Variants in KANSL1 observed in about 807,000 individuals in gnomAD.
KANSL1 encodes MLL1/MLL complex subunit KANSL1.
KANSL1 carries 22 observed loss-of-function variants against 103.6 expected under a neutral mutation model. The ratio of observed to expected loss-of-function variants is 0.21; its 90% CI spans 0.15 to 0.30. The LOEUF is 0.30. Ranked by LOEUF, KANSL1 falls within the 10% of genes least tolerant of loss-of-function variation. The probability of loss-of-function intolerance (pLI) is 1.00; values close to 1 mark genes in which losing one functional copy is unlikely to be tolerated. For synonymous variants in KANSL1, 600 were observed against 527.6 expected, an observed-to-expected ratio of 1.14 and a Z score of -1.88; for missense variants, 1,337 against 1,399.8, an observed-to-expected ratio of 0.96 and a Z score of 0.72.
At chr17:46,135,648 G>A (rs1478468441) in intron 2 of KANSL1, among the ~76,000 whole-genome samples, 3 of 147,178 alleles carry the variant, frequency 2.0e-5, no homozygotes, top group Non-Finnish European at 3.0e-5. Flanking sequence ...TGGCTCAAGC[G>A]AGCCTCCCAA....
At chr17:46,185,770 C>G (rs2047003123) in intron 1 of KANSL1, among the ~76,000 whole-genome samples, 1 of 151,156 alleles carries the variant, frequency 6.6e-6, no homozygotes. Context: ...GCCTGTAATA[C>G]CAGCTACTCT....
At chr17:46,113,308 C>T (rs2042903007) in intron 2 of KANSL1, among the ~76,000 whole-genome samples, 3 of 152,304 alleles carry the variant, frequency 2.0e-5, no homozygotes, top group South Asian at 2.1e-4. Flanking sequence ...CATGGCCCCA[C>T]GTGTTTGCAG....
At chr17:46,210,351 T>TAGTC (rs2048115628) in intron 1 of KANSL1, among the ~76,000 whole-genome samples, 1 of 151,806 alleles carries the variant, frequency 6.6e-6, no homozygotes, top group Non-Finnish European at 1.5e-5. Context: ...TGAGCACCTG[T>TAGTC]AGTCATAGCT....
At chr17:46,189,906 CAAA>C (rs55934305) in intron 1 of KANSL1, among the ~76,000 whole-genome samples, 5 of 112,448 alleles carry the variant, frequency 4.4e-5, no homozygotes, top group Non-Finnish European at 5.3e-5. Context: ...GACCCTGCCT[CAAA>C]AAAAAAAAAA....
At chr17:46,053,064 G>A (rs2077781975) in intron 6 of KANSL1, among the ~76,000 whole-genome samples, 1 of 146,654 alleles carries the variant, frequency 6.8e-6, no homozygotes, top group Non-Finnish European at 1.5e-5. Context: ...AAGGTGGGTG[G>A]ATAACCTGAG....
chr17:46,199,651 G>T (rs146163063), intron 1 of KANSL1, among the ~76,000 whole-genome samples: 287 of 152,282 alleles, frequency 1.9e-3, no homozygotes, highest in Non-Finnish European at 2.2e-3. Context: ...TTTACATAAA[G>T]ATATTATTTT....
At chr17:46,091,307 A>G (rs1252319604) in intron 3 of KANSL1, among the ~76,000 whole-genome samples, 1 of 152,272 alleles carries the variant, frequency 6.6e-6, no homozygotes, top group Non-Finnish European at 1.5e-5. Context: ...TACAATTACA[A>G]TGTATTTGTG....
chr17:46,213,197 C>T (rs751031225), intron 1 of KANSL1, among the ~76,000 whole-genome samples: 3 of 152,204 alleles, frequency 2.0e-5, no homozygotes, highest in Non-Finnish European at 4.4e-5. Flanking sequence ...AAATTATACA[C>T]GGTAATAAAA....
intron 1 of KANSL1, among the ~76,000 whole-genome samples, chr17:46,218,653 T>G (rs1298634777): frequency 6.6e-6 from 1 of 151,990 alleles, no homozygotes; most frequent in Non-Finnish European, 1.5e-5. Flanking sequence ...CATGCTGGCA[T>G]GCGCCTGTAA....
intron 4 of KANSL1, among the ~76,000 whole-genome samples, chr17:46,081,499 A>T (rs902892064): frequency 2.6e-5 from 4 of 152,230 alleles, no homozygotes; most frequent in Admixed American, 1.3e-4. Flanking sequence ...AAGAACTATC[A>T]ATCTTCTAGT....
intron 6 of KANSL1, among the ~76,000 whole-genome samples, chr17:46,062,091 CAAAAAA>C (rs35638067): frequency 0.24 from 17,207 of 70,976 alleles, 1,635 homozygotes; most frequent in Middle Eastern, 0.38. Context: ...GACTCCGACT[CAAAAAA>C]AAAAAAAAAA....
At chr17:46,207,094 C>A (rs1216989977) in intron 1 of KANSL1, among the ~76,000 whole-genome samples, 1 of 151,966 alleles carries the variant, frequency 6.6e-6, no homozygotes, top group East Asian at 1.9e-4. Flanking sequence ...CCTGTCTCTA[C>A]AAAATAAATT....
intron 1 of KANSL1, among the ~76,000 whole-genome samples, chr17:46,177,728 T>C (rs2046589868): frequency 6.6e-6 from 1 of 152,020 alleles, no homozygotes; most frequent in Non-Finnish European, 1.5e-5. Flanking sequence ...AAGAAAACAA[T>C]GGAAATTCTT....
chr17:46,073,166 T>C (rs1286763565), intron 4 of KANSL1, among the ~76,000 whole-genome samples: 1 of 152,240 alleles, frequency 6.6e-6, no homozygotes, highest in Non-Finnish European at 1.5e-5. Context: ...ACCAATGGAA[T>C]GAAGATGTAT....
chr17:46,194,194 G>A (rs965934209), upstream of KANSL1, among the ~76,000 whole-genome samples: 11 of 152,262 alleles, frequency 7.2e-5, no homozygotes, highest in Non-Finnish European at 7.3e-5. Context: ...TGTAGTTTTC[G>A]TGAAGAAACA....
chr17:46,200,067 C>CACACA (rs571952343), intron 1 of KANSL1, among the ~76,000 whole-genome samples: 3 of 118,194 alleles, frequency 2.5e-5, no homozygotes, highest in African/African-American at 8.6e-5. Flanking sequence ...ACACACACAC[C>CACACA]CTGATTATTT....
chr17:46,161,470 A>C lies in KANSL1; in HGVS notation c.1289+9385T>G, dbSNP rs896510004. Among the ~76,000 whole-genome samples, 3 of 152,072 alleles carry C rather than the reference A, an allele frequency of 2.0e-5. No individual in the cohort carries two copies. In the South Asian group the frequency reaches 6.2e-4, roughly 31 times the overall value. Reference sequence around the variant, plus strand: ...AAAACCTTGTTTCCTAGCTCACCCAAATCAGTTCGGTCAAAATCCTCCTGG... The same window carrying C: ...AAAACCTTGTTTCCTAGCTCACCCACATCAGTTCGGTCAAAATCCTCCTGG... On this transcript the variant is annotated intron_variant, in intron 2 of 14. Transcript: ENST00000432791.
chr17:46,073,453 G>T (rs1244946120), intron 4 of KANSL1, among the ~76,000 whole-genome samples: 1 of 151,998 alleles, frequency 6.6e-6, no homozygotes, highest in Non-Finnish European at 1.5e-5. Flanking sequence ...ATTTATCCAA[G>T]AAGGAGATTT....
chr17:46,137,121 A>T (rs946291376), intron 2 of KANSL1, among the ~76,000 whole-genome samples: 2 of 152,162 alleles, frequency 1.3e-5, no homozygotes, highest in Non-Finnish European at 2.9e-5. Flanking sequence ...TCCCCCCAAA[A>T]TTGTTTATCT....
Sources: gnomAD v4.1 joint callset for allele counts (sites outside exome capture counted in the v4.1 genomes callset) on GRCh38, gnomAD v4.1.1 for gene constraint, MANE v1.5 for transcripts, NCBI Gene and HGNC (gene_info 2026-07-23, HGNC 2026-07-21) for gene names.